DBP: variants seen among roughly 807,000 people sequenced by gnomAD.
The protein encoded by DBP is D-box binding PAR bZIP transcription factor, also known as D site-binding protein.
Under a neutral mutation model 21.4 loss-of-function variants are expected in DBP, and 12 were observed. That is an observed-to-expected ratio of 0.56 (90% CI 0.36 to 0.91). DBP has a LOEUF of 0.91. Ranked by LOEUF, DBP falls within the 40% of genes least tolerant of loss-of-function variation. The pLI, the probability that DBP is intolerant of heterozygous loss-of-function variation, is 0.01. For missense variants in DBP, 423 were observed against 473.4 expected, an observed-to-expected ratio of 0.89 and a Z score of 0.99; for synonymous variants, 213 against 224.9, an observed-to-expected ratio of 0.95 and a Z score of 0.47.
chr19:48,631,305 C>T (rs1393894609), intron 3 of DBP: 2 of 534,824 alleles, frequency 3.7e-6, no homozygotes, highest in Admixed American at 3.1e-5. Flanking sequence ...CCCAGCCCTC[C>T]CCACATGATA....
chr19:48,635,869 C>T lies in DBP; in HGVS notation c.261G>A (p.Pro87=). Residue 87 remains proline (P), a synonymous_variant, in exon 2 of 4, where the codon CCG becomes CCA. Transcript: ENST00000222122. ...CGGGCACCGGCCCCGGGCGCCCCCG[C>T]GGGGACCCTCCGCCCACCACTGCCC... ...PAGAVVGGGS[P]RGRPGPVPAP... The T allele has an allele frequency of 2.9e-6, 4 of 1,399,212 alleles. No homozygotes were observed. In the South Asian group the frequency reaches 4.7e-5, roughly 16 times the overall value. 86.7% of individuals were successfully genotyped at this position (1,399,212 alleles called of 1,614,324 possible). A position where few individuals can be genotyped will look rare whatever the true frequency, so the allele number is the denominator to read the frequency against.
At chr19:48,635,373 A>T (rs1340143769) in intron 2 of DBP, 2 of 1,390,172 alleles carry the variant, frequency 1.4e-6, no homozygotes, top group Non-Finnish European at 1.9e-6. Context: ...TTAGGGTTCC[A>T]AGTCTCTCCT....
At chr19:48,634,582 C>T (rs1170400901) in intron 2 of DBP, 2 of 591,324 alleles carry the variant, frequency 3.4e-6, no homozygotes, top group East Asian at 2.8e-4. Flanking sequence ...GCCTGCTTCC[C>T]TCCTCCTCCC....
Position 48,633,477 on chromosome 19 carries a change from C to T in DBP, c.729G>A (p.Lys243=). ...EELKPQPIMK[K]ARKIQVPEEQ... Reference sequence around the variant, plus strand: ...CCTCCGGCACCTGGATTTTTCTTGCCTTCTTCATGATTGGCTGGGGCTTAA... The same window carrying T: ...CCTCCGGCACCTGGATTTTTCTTGCTTTCTTCATGATTGGCTGGGGCTTAA... The change falls in exon 3 of 4, where the codon AAG becomes AAA. Residue 243 remains lysine (K), a synonymous_variant. Coordinates refer to ENST00000222122, the MANE Select transcript of DBP (RefSeq NM_001352.5). 6.2e-7 allele frequency: 1 copy of T among 1,614,190 alleles called. No individual in the cohort carries two copies. The highest frequency in any genetic ancestry group is 1.7e-5 in the Admixed American group (1 of 60,024).
chr19:48,635,410 C>A (rs780925906), intron 2 of DBP, 170 bp downstream of exon 2: 68 of 1,468,668 alleles, frequency 4.6e-5, no homozygotes, highest in Non-Finnish European at 5.9e-5. Flanking sequence ...GGTCCCTGAC[C>A]CATTAAGAGA....
intron 3 of DBP, chr19:48,632,857 C>T (rs913845592): frequency 1.2e-5 from 2 of 166,890 alleles, no homozygotes; most frequent in Non-Finnish European, 2.6e-5. Context: ...AGACAGGCCA[C>T]AGGCTGATAT....
Position 48,630,615 on chromosome 19 carries a change from G to T in DBP, c.*222C>A, listed in dbSNP as rs2030529874. 7 of 1,523,824 alleles carry T rather than the reference G, an allele frequency of 4.6e-6. No individual in the cohort carries two copies. In the South Asian group the frequency reaches 8.5e-5, roughly 19 times the overall value. 94.4% of individuals were successfully genotyped at this position (1,523,824 alleles called of 1,614,324 possible). On this transcript the variant is annotated 3_prime_UTR_variant, in exon 4 of 4. Coordinates refer to ENST00000222122, the MANE Select transcript of DBP (RefSeq NM_001352.5). The surrounding 1 kb of genome is among the most constrained non-coding windows in gnomAD (Gnocchi z 4.9). ...TGTTAACGGAGGCGGTGGGAGGATAGGGTCCCTGACGTGCCGGGGACACAC... is the reference window on the plus strand; with the variant it reads ...TGTTAACGGAGGCGGTGGGAGGATATGGTCCCTGACGTGCCGGGGACACAC...
chr19:48,630,677 A>G lies in DBP; in HGVS notation c.*160T>C, dbSNP rs1053805107. On this transcript the variant is annotated 3_prime_UTR_variant, in exon 4 of 4. Transcript: ENST00000222122. This position sits in a 1 kb window ranked among gnomAD's most constrained non-coding sequence, Gnocchi z 4.9. ...TCCCCGCCCCCGCAAGGGAGGGGGG[A>G]GGCTCGCTTTTTCTTAAAAATATAA... 6 of 1,415,118 alleles carry G rather than the reference A, an allele frequency of 4.2e-6. No individual in the cohort carries two copies. Among genetic ancestry groups the G allele is most frequent in the Non-Finnish European group, 5.6e-6 (6 of 1,071,698 alleles). 87.7% of individuals were successfully genotyped at this position (1,415,118 alleles called of 1,614,324 possible).
Position 48,635,796 on chromosome 19 carries a change from C to G in DBP, c.334G>C (p.Gly112Arg). 7.0e-7 allele frequency: 1 copy of G among 1,436,296 alleles called. No homozygotes were observed. Among genetic ancestry groups the G allele is most frequent in the Non-Finnish European group, 9.1e-7 (1 of 1,103,492 alleles). 89.0% of individuals were successfully genotyped at this position (1,436,296 alleles called of 1,614,324 possible). A position where few individuals can be genotyped will look rare whatever the true frequency, so the allele number is the denominator to read the frequency against. Reference protein sequence around the residue: ...PLLWERTLPFGDVEYVDLDAF... With the variant: ...PLLWERTLPFRDVEYVDLDAF... ...TCCAGGTCTACGTACTCCACATCGC[C>G]GAACGGCAGCGTGCGCTCCCACAGC... The change falls in exon 2 of 4, where the codon GGC (glycine) becomes CGC (arginine). Residue 112 changes from glycine to arginine, a missense_variant. Gly to Arg is a moderately radical substitution (Grantham distance 125, BLOSUM62 -2). Coordinates refer to ENST00000222122, the MANE Select transcript of DBP (RefSeq NM_001352.5).
rs2030841189 is a variant in DBP at position 48,637,113 on chromosome 19, C to T, written c.-119G>A. On this transcript the variant is annotated 5_prime_UTR_variant, in exon 1 of 4. Coordinates refer to ENST00000222122, the MANE Select transcript of DBP (RefSeq NM_001352.5). ...CTGCCCAGGGGCGGGCGAGTGTAGC[C>T]TGCAACCCTCCAGTATCCAGAACGC... The T allele has an allele frequency of 5.5e-6, 5 of 914,232 alleles. No individual in the cohort carries two copies. Among genetic ancestry groups the T allele is most frequent in the African/African-American group, 3.5e-5 (2 of 57,922 alleles). The allele number at this position is 914,232 out of a possible 1,614,324, so 56.6% of individuals were successfully genotyped here. A position where few individuals can be genotyped will look rare whatever the true frequency, so the allele number is the denominator to read the frequency against.
intron 1 of DBP, among the ~76,000 whole-genome samples, chr19:48,636,601 C>T (rs2030810962): frequency 6.6e-6 from 1 of 152,150 alleles, no homozygotes. Flanking sequence ...GGGGCCTACA[C>T]TCTTGTGAAC....
chr19:48,637,323 C>A lies in DBP; in HGVS notation c.-329G>T. 1 of 306,342 alleles carries A rather than the reference C, an allele frequency of 3.3e-6. No homozygotes were observed. Among genetic ancestry groups the A allele is most frequent in the Non-Finnish European group, 6.0e-6 (1 of 166,894 alleles). The allele number at this position is 306,342 out of a possible 1,614,324, so 19.0% of individuals were successfully genotyped here. A position where few individuals can be genotyped will look rare whatever the true frequency, so the allele number is the denominator to read the frequency against. ...ACAAGGTGGGCGAGCCTGGCTCTTG[C>A]AAAATCTGCAGCTCTCGCAACGGAA... is the stretch of plus-strand genomic sequence containing the variant. On this transcript the variant is annotated 5_prime_UTR_variant, in exon 1 of 4. Coordinates refer to ENST00000222122, the MANE Select transcript of DBP (RefSeq NM_001352.5).
At position 48,630,763 on chromosome 19, in the gene DBP, G is replaced by A; in HGVS notation, c.*74C>T. 1 of 1,490,746 alleles carries A rather than the reference G, an allele frequency of 6.7e-7. No individual in the cohort carries two copies. Among genetic ancestry groups the A allele is most frequent in the Non-Finnish European group, 9.0e-7 (1 of 1,107,652 alleles). The allele number at this position is 1,490,746 out of a possible 1,614,324, so 92.3% of individuals were successfully genotyped here. A position where few individuals can be genotyped will look rare whatever the true frequency, so the allele number is the denominator to read the frequency against. On this transcript the variant is annotated 3_prime_UTR_variant, in exon 4 of 4. Transcript: ENST00000222122. The surrounding 1 kb of genome is among the most constrained non-coding windows in gnomAD (Gnocchi z 4.9). ...CCAGCTGGCCGGCCCGTGGGCCACA[G>A]GGCAGGAAGGGAACAGGGCGTAAGT...
chr19:48,637,093 C>G lies in DBP; in HGVS notation c.-99G>C, dbSNP rs1329041552. ...CCAGTGGTTTGGACGAGTGTCTGCC[C>G]AGGGGCGGGCGAGTGTAGCCTGCAA... is the stretch of plus-strand genomic sequence containing the variant. On this transcript the variant is annotated 5_prime_UTR_variant, in exon 1 of 4. Transcript: ENST00000222122. 1 of 1,174,178 alleles carries G rather than the reference C, an allele frequency of 8.5e-7. No individual in the cohort carries two copies. The highest frequency in any genetic ancestry group is 3.1e-5 in the Admixed American group (1 of 31,834). 72.7% of individuals were successfully genotyped at this position (1,174,178 alleles called of 1,614,324 possible). A position where few individuals can be genotyped will look rare whatever the true frequency, so the allele number is the denominator to read the frequency against.
intron 3 of DBP, chr19:48,631,336 T>G: frequency 2.3e-6 from 1 of 438,386 alleles, no homozygotes; most frequent in East Asian, 3.9e-5. Context: ...TGCAGTTAGC[T>G]CTTGCTTGCT....
Position 48,630,469 on chromosome 19 carries a change from G to A in DBP, c.*368C>T, listed in dbSNP as rs2030521633. ...GACTCAGACTCCAGCACTTCCAGCAGCGCCTGCCCTCTATGGACGACAGCC... is the reference window on the plus strand; with the variant it reads ...GACTCAGACTCCAGCACTTCCAGCAACGCCTGCCCTCTATGGACGACAGCC... On this transcript the variant is annotated 3_prime_UTR_variant, in exon 4 of 4. Coordinates refer to ENST00000222122, the MANE Select transcript of DBP (RefSeq NM_001352.5). This position sits in a 1 kb window ranked among gnomAD's most constrained non-coding sequence, Gnocchi z 4.9. 1 of 1,481,912 alleles carries A rather than the reference G, an allele frequency of 6.7e-7. No individual in the cohort carries two copies. Among genetic ancestry groups the A allele is most frequent in the Non-Finnish European group, 8.9e-7 (1 of 1,122,516 alleles). 91.8% of individuals were successfully genotyped at this position (1,481,912 alleles called of 1,614,324 possible).
chr19:48,637,240 G>T lies in DBP; in HGVS notation c.-246C>A. The T allele has an allele frequency of 2.5e-6, 1 of 406,550 alleles. No homozygotes were observed. 25.2% of individuals were successfully genotyped at this position (406,550 alleles called of 1,614,324 possible). Reference sequence around the variant, plus strand: ...TGCAATCTGGGCGAGGGGGTGTCCAGATCAAGCGGTCGGCTCTTTGCAACC... The same window carrying T: ...TGCAATCTGGGCGAGGGGGTGTCCATATCAAGCGGTCGGCTCTTTGCAACC... On this transcript the variant is annotated 5_prime_UTR_variant, in exon 1 of 4. It adds an upstream start codon to the 5' untranslated region. Transcript: ENST00000222122.
Position 48,630,349 on chromosome 19 carries a change from A to G in DBP, c.*488T>C, listed in dbSNP as rs2030509415. ...GTCTCATGCGCGTCCTCCGTCCCCA[A>G]TCTAAAAAGCAATTGAAAAGGTCTA... On this transcript the variant is annotated 3_prime_UTR_variant, in exon 4 of 4. Coordinates refer to ENST00000222122, the MANE Select transcript of DBP (RefSeq NM_001352.5). This position sits in a 1 kb window ranked among gnomAD's most constrained non-coding sequence, Gnocchi z 4.9. 7.6e-7 allele frequency: 1 copy of G among 1,309,858 alleles called. No homozygotes were observed. Among genetic ancestry groups the G allele is most frequent in the Non-Finnish European group, 9.7e-7 (1 of 1,029,972 alleles). The allele number at this position is 1,309,858 out of a possible 1,614,324, so 81.1% of individuals were successfully genotyped here.
At chr19:48,631,898 G>A (rs2030603577) in intron 3 of DBP, 1 of 152,152 alleles carries the variant, frequency 6.6e-6, no homozygotes, top group South Asian at 2.1e-4. Context: ...AACCACTGGT[G>A]TAGATCTGAC....
Sources: allele counts gnomAD v4.1 joint callset (sites outside exome capture counted in the v4.1 genomes callset), GRCh38; gene constraint gnomAD v4.1.1; non-coding constraint Gnocchi (gnomAD v3.1); transcripts MANE v1.5; gene names NCBI Gene and HGNC (gene_info 2026-07-23, HGNC 2026-07-21).